ADCY9: variants seen among roughly 807,000 people sequenced by gnomAD.
The protein encoded by ADCY9 is adenylate cyclase type 9.
Under a neutral mutation model 101.5 loss-of-function variants are expected in ADCY9, and 50 were observed. The observed-to-expected ratio is 0.49, with a 90% confidence interval of 0.39 to 0.62. ADCY9 has a LOEUF of 0.62. ADCY9 is among the 20% of genes least tolerant of loss of function. The probability of loss-of-function intolerance (pLI) is 0.00; values close to 1 mark genes in which losing one functional copy is unlikely to be tolerated. For missense variants in ADCY9, 1,662 were observed against 1,800.4 expected (o/e 0.92, Z 1.39); for synonymous variants, 905 against 769.3 (o/e 1.18, Z -2.92).
intron 2 of ADCY9, among the ~76,000 whole-genome samples, chr16:4,035,544 C>T (rs73490584): frequency 0.027 from 4,077 of 152,174 alleles, 185 homozygotes; most frequent in African/African-American, 0.094. Flanking sequence ...TAGATTGCCT[C>T]GCAAAGCCTA....
chr16:4,026,153 G>A (rs142170138), intron 2 of ADCY9, among the ~76,000 whole-genome samples: 58 of 152,224 alleles, frequency 3.8e-4, no homozygotes, highest in African/African-American at 1.3e-3. Flanking sequence ...GGCTGGGCGC[G>A]GTGGATCACG....
Position 3,979,295 on chromosome 16 carries a change from T to C in ADCY9, c.2520-20A>G, listed in dbSNP as rs926027155. 11 of 1,612,162 alleles carry C rather than the reference T, an allele frequency of 6.8e-6. No individual in the cohort carries two copies. The Admixed American group carries it at 8.3e-5, about 12-fold the overall frequency. On this transcript the variant is annotated intron_variant, in intron 7 of 10. Transcript: ENST00000294016. The stretch of plus-strand genomic sequence containing the variant: ...ACCATCCTGCGAGAGGCATGGGGGT[T>C]AGCAGGAGCGACGGGGCCCGGGGTG...
At chr16:3,997,635 G>T (rs952437189) in intron 3 of ADCY9, among the ~76,000 whole-genome samples, 3 of 152,236 alleles carry the variant, frequency 2.0e-5, no homozygotes, top group Admixed American at 1.3e-4. Flanking sequence ...CTGAGGGCCG[G>T]GACAGTGCTC....
chr16:3,984,617 G>A (rs1415285962), intron 6 of ADCY9, among the ~76,000 whole-genome samples: 1 of 152,230 alleles, frequency 6.6e-6, no homozygotes, highest in African/African-American at 2.4e-5. Context: ...GACTTGGCAT[G>A]GACCGGTTGA....
At chr16:4,083,942 T>G (rs1000137745) in intron 2 of ADCY9, among the ~76,000 whole-genome samples, 1 of 152,142 alleles carries the variant, frequency 6.6e-6, no homozygotes, top group Non-Finnish European at 1.5e-5. Context: ...GATGTCAAAG[T>G]ATAGGAACTG....
intron 2 of ADCY9, among the ~76,000 whole-genome samples, chr16:4,011,074 G>A (rs2056401140): frequency 6.6e-6 from 1 of 152,134 alleles, no homozygotes; most frequent in African/African-American, 2.4e-5. Flanking sequence ...ACAAGCAGAT[G>A]GAGACGGACG....
At chr16:4,044,930 C>T (rs1028168222) in intron 2 of ADCY9, among the ~76,000 whole-genome samples, 2 of 152,152 alleles carry the variant, frequency 1.3e-5, no homozygotes, top group African/African-American at 4.8e-5. Context: ...TCCCGGCTCC[C>T]GCACGTGACT....
chr16:3,970,414 G>A (rs916946361), intron 10 of ADCY9, among the ~76,000 whole-genome samples: 4 of 152,040 alleles, frequency 2.6e-5, no homozygotes, highest in African/African-American at 7.2e-5. Flanking sequence ...TGCAACCTCC[G>A]CTTCCAGGTT....
intron 3 of ADCY9, among the ~76,000 whole-genome samples, chr16:4,000,734 A>G (rs1276696103): frequency 1.3e-5 from 2 of 152,096 alleles, no homozygotes; most frequent in Admixed American, 1.3e-4. Flanking sequence ...TTAGCCCTAA[A>G]GGACCACTGG....
rs533139031 is a variant in ADCY9, at chr16:4,078,149, CA to C, written c.1693+35600del. The stretch of plus-strand genomic sequence containing the variant: ...TCCACTCCTATGCATTTAACCGAAA[CA>C]AATAAAAATATACATCCACGGAAGA... On this transcript the variant is annotated intron_variant, in intron 2 of 10. Transcript: ENST00000294016. Among the ~76,000 whole-genome samples, 226 of 152,242 alleles carry C rather than the reference CA, an allele frequency of 1.5e-3. 1 individual carries two copies. The highest frequency in any genetic ancestry group is 5.2e-3 in the African/African-American group (215 of 41,554).
At chr16:4,113,205 G>GTGTA (rs1269054067) in intron 2 of ADCY9, among the ~76,000 whole-genome samples, 5 of 151,898 alleles carry the variant, frequency 3.3e-5, no homozygotes, top group Admixed American at 3.3e-4. Flanking sequence ...AAAAGACAGT[G>GTGTA]TGTACTCAGA....
At chr16:4,051,440 C>T (rs943538610) in intron 2 of ADCY9, among the ~76,000 whole-genome samples, 11 of 151,342 alleles carry the variant, frequency 7.3e-5, no homozygotes, top group African/African-American at 1.2e-4. Flanking sequence ...GGGAGAATGG[C>T]GTGAACCCGG....
intron 2 of ADCY9, among the ~76,000 whole-genome samples, chr16:4,083,672 C>T (rs1261334564): frequency 6.6e-6 from 1 of 152,164 alleles, no homozygotes; most frequent in African/African-American, 2.4e-5. Context: ...TATTATTCAG[C>T]CATGAAAAGG....
At chr16:4,092,896 A>G (rs1369850919) in intron 2 of ADCY9, among the ~76,000 whole-genome samples, 1 of 152,252 alleles carries the variant, frequency 6.6e-6, no homozygotes, top group Admixed American at 6.5e-5. Flanking sequence ...GCACACCAAC[A>G]GCTACATACA....
chr16:4,047,440 G>A (rs2056672675), intron 2 of ADCY9, among the ~76,000 whole-genome samples: 2 of 148,364 alleles, frequency 1.3e-5, no homozygotes, highest in South Asian at 2.1e-4. Context: ...TAAGGGCCTG[G>A]GGGACTTACA....
chr16:3,983,504 G>C (rs2056164082), intron 6 of ADCY9, 64 bp from the exon 7 acceptor site: 1 of 1,402,836 alleles, frequency 7.1e-7, no homozygotes, highest in Non-Finnish European at 9.9e-7. Flanking sequence ...GCGCAGTTCA[G>C]ATGGAGAAAC....
At chr16:3,977,046 T>C (rs1477486666) in intron 9 of ADCY9, among the ~76,000 whole-genome samples, 1 of 152,182 alleles carries the variant, frequency 6.6e-6, no homozygotes, top group Non-Finnish European at 1.5e-5. Flanking sequence ...CCTGTCCCGG[T>C]TCATGAACCC....
rs143979861 is a variant in ADCY9, at chr16:3,987,889, A to G, written c.2310+1105T>C. Among the ~76,000 whole-genome samples, 576 of 152,286 alleles carry G rather than the reference A, an allele frequency of 3.8e-3. 2 individuals carry two copies. Among genetic ancestry groups the G allele is most frequent in the African/African-American group, 0.012 (516 of 41,542 alleles). On this transcript the variant is annotated intron_variant, in intron 6 of 10. Coordinates refer to ENST00000294016, the MANE Select transcript of ADCY9 (RefSeq NM_001116.4). ...CCCAGAGGAGAGAATGCAGTCTGGA[A>G]GCCGCCAGGATTCAAACCAGGCTCT...
At chr16:3,974,422 G>A (rs906108057) in intron 10 of ADCY9, among the ~76,000 whole-genome samples, 1 of 152,064 alleles carries the variant, frequency 6.6e-6, no homozygotes, top group Non-Finnish European at 1.5e-5. Flanking sequence ...TGTTGCATGC[G>A]AAAGTCTTAC....
Sources: gnomAD v4.1 joint callset for allele counts (sites outside exome capture counted in the v4.1 genomes callset) on GRCh38, gnomAD v4.1.1 for gene constraint, MANE v1.5 for transcripts, NCBI Gene and HGNC (gene_info 2026-07-23, HGNC 2026-07-21) for gene names.